The following WDPCP variants were observed in gnomAD, a reference collection of about 807,000 sequenced individuals.
WDPCP encodes WD repeat-containing and planar cell polarity effector protein fritz homolog.
WDPCP carries 71 observed loss-of-function variants against 93.1 expected under a neutral mutation model. The ratio of observed to expected loss-of-function variants is 0.76; its 90% CI spans 0.63 to 0.93. WDPCP has a LOEUF of 0.93. WDPCP is among the 40% of genes least tolerant of loss of function. The probability of loss-of-function intolerance (pLI) is 0.00; values close to 1 mark genes in which losing one functional copy is unlikely to be tolerated. For synonymous variants in WDPCP, 315 were observed against 315.0 expected (o/e 1.00, Z 0.00); for missense variants, 844 against 887.4 (o/e 0.95, Z 0.62).
intron 9 of WDPCP, among the ~76,000 whole-genome samples, chr2:63,415,601 T>C (rs1473522536): frequency 2.0e-5 from 3 of 152,220 alleles, no homozygotes; most frequent in East Asian, 1.9e-4. Context: ...GAGTTGCAGT[T>C]TGAATCCAGG....
At chr2:63,801,465 C>A (rs1278075027) in intron 2 of WDPCP, among the ~76,000 whole-genome samples, 1 of 152,148 alleles carries the variant, frequency 6.6e-6, no homozygotes, top group Admixed American at 6.5e-5. Flanking sequence ...AGCAAAAGAA[C>A]AAAGCTCCCA....
At chr2:63,579,032 C>A (rs776285910) in intron 1 of WDPCP, among the ~76,000 whole-genome samples, 2 of 152,120 alleles carry the variant, frequency 1.3e-5, no homozygotes, top group Non-Finnish European at 2.9e-5. Context: ...CATCCTATGA[C>A]AAAGCATCTG....
intron 14 of WDPCP, among the ~76,000 whole-genome samples, chr2:63,220,322 A>G (rs572509940): frequency 6.6e-5 from 10 of 152,200 alleles, no homozygotes; most frequent in Admixed American, 1.3e-4. Context: ...AGTAGGGATC[A>G]GCAGAAAAAG....
chr2:63,418,066 A>G (rs1324827036), intron 9 of WDPCP, among the ~76,000 whole-genome samples: 1 of 152,192 alleles, frequency 6.6e-6, no homozygotes, highest in Non-Finnish European at 1.5e-5. Context: ...ATATGTGAAT[A>G]TATTTCCTAG....
At chr2:63,503,290 G>A (rs974174043) in intron 1 of WDPCP, among the ~76,000 whole-genome samples, 3 of 152,006 alleles carry the variant, frequency 2.0e-5, no homozygotes, top group Non-Finnish European at 2.9e-5. Flanking sequence ...TTTAAAGATC[G>A]GTGCTGACCT....
intron 13 of WDPCP, among the ~76,000 whole-genome samples, chr2:63,269,218 G>C (rs951513347): frequency 6.6e-6 from 1 of 152,056 alleles, no homozygotes; most frequent in East Asian, 1.9e-4. Context: ...TACTAACTTG[G>C]AATCAAGTTT....
At chr2:63,786,969 G>A (rs972148706) in intron 2 of WDPCP, among the ~76,000 whole-genome samples, 6 of 152,090 alleles carry the variant, frequency 3.9e-5, no homozygotes, top group African/African-American at 1.4e-4. Context: ...TCAAATGAAC[G>A]AATGACTGAG....
At chr2:63,463,920 G>A (rs1699187595) in intron 6 of WDPCP, among the ~76,000 whole-genome samples, 2 of 152,114 alleles carry the variant, frequency 1.3e-5, no homozygotes. Flanking sequence ...AAAACTTCCA[G>A]AAGAAAAGAG....
At chr2:63,645,684 C>CT (rs1481566748) in intron 3 of WDPCP, among the ~76,000 whole-genome samples, 1 of 152,112 alleles carries the variant, frequency 6.6e-6, no homozygotes, top group Non-Finnish European at 1.5e-5. Context: ...TCTGGGTGCT[C>CT]CAGTGTTGGG....
chr2:63,821,116 C>T (rs1194632128), intron 1 of WDPCP, among the ~76,000 whole-genome samples: 1 of 152,074 alleles, frequency 6.6e-6, no homozygotes. Context: ...TGATGATGTC[C>T]TTGTCCTTGA....
chr2:63,782,740 ATGTGTGTGTGTGTG>A lies in WDPCP; in HGVS notation n.308+30868_308+30881del, dbSNP rs70965143. Among the ~76,000 whole-genome samples the A allele has an allele frequency of 7.9e-4, 112 of 141,240 alleles. 1 individual carries two copies. The highest frequency in any genetic ancestry group is 2.9e-3 in the African/African-American group (111 of 38,866). 92.7% of individuals were successfully genotyped at this position (141,240 alleles called of 152,430 possible). A position where few individuals can be genotyped will look rare whatever the true frequency, so the allele number is the denominator to read the frequency against. ...CTGAAGCAGTCAGTCCACAGGCAAC[ATGTGTGTGTGTGTG>A]TGTGTGTGTGTGTGTGTGTGTGTTT... On this transcript the variant is annotated intron_variant and non_coding_transcript_variant, in intron 2 of 4. Coordinates refer to the WDPCP transcript ENST00000467687.
At chr2:63,583,041 C>G (rs1418128944) in intron 1 of WDPCP, among the ~76,000 whole-genome samples, 1 of 152,120 alleles carries the variant, frequency 6.6e-6, no homozygotes, top group African/African-American at 2.4e-5. Flanking sequence ...CACTAAATCT[C>G]TTTTAAAAAT....
intron 12 of WDPCP, among the ~76,000 whole-genome samples, chr2:63,365,969 C>A (rs1490089572): frequency 1.3e-5 from 2 of 152,070 alleles, no homozygotes; most frequent in African/African-American, 4.8e-5. Flanking sequence ...AAATTTTGAA[C>A]CCACTAGACA....
intron 1 of WDPCP, among the ~76,000 whole-genome samples, chr2:63,500,917 A>T (rs1701510329): frequency 6.6e-6 from 1 of 152,216 alleles, no homozygotes; most frequent in South Asian, 2.1e-4. Flanking sequence ...CCTTAGTGAC[A>T]TTTAGCTTCT....
the WDPCP span, among the ~76,000 whole-genome samples, chr2:63,835,389 C>CAAAAAAA: frequency 2.4e-5 from 1 of 42,360 alleles, no homozygotes. Context: ...GACTCCATCT[C>CAAAAAAA]AAAAAAAAAA....
At chr2:63,537,426 T>C (rs188220393) in intron 1 of WDPCP, among the ~76,000 whole-genome samples, 29 of 152,300 alleles carry the variant, frequency 1.9e-4, no homozygotes, top group African/African-American at 6.0e-4. Flanking sequence ...ATTATGTCAC[T>C]TCTCTGAAAA....
At chr2:63,539,357 A>G (rs373835538) in intron 1 of WDPCP, among the ~76,000 whole-genome samples, 12 of 152,344 alleles carry the variant, frequency 7.9e-5, no homozygotes, top group African/African-American at 2.4e-4. Flanking sequence ...TGCTTCTGTA[A>G]CATGTAGTTA....
At chr2:63,453,964 G>A (rs1331479778) in intron 6 of WDPCP, among the ~76,000 whole-genome samples, 2 of 114,562 alleles carry the variant, frequency 1.7e-5, no homozygotes, top group African/African-American at 3.5e-5. Flanking sequence ...TGGGGGGAGG[G>A]AGGAGGGGGT....
chr2:63,447,047 A>G (rs1488044386), intron 6 of WDPCP, among the ~76,000 whole-genome samples: 1 of 152,242 alleles, frequency 6.6e-6, no homozygotes, highest in African/African-American at 2.4e-5. Flanking sequence ...AGATAACATA[A>G]AAGATAAATA....
Sources: allele counts gnomAD v4.1 joint callset (sites outside exome capture counted in the v4.1 genomes callset), GRCh38; gene constraint gnomAD v4.1.1; transcripts MANE v1.5; gene names NCBI Gene and HGNC (gene_info 2026-07-23, HGNC 2026-07-21).